The following MORC2 variants were observed in gnomAD, a reference collection of about 807,000 sequenced individuals.
MORC2 encodes the protein MORC family CW-type zinc finger 2, also known as ATPase MORC2.
Under a neutral mutation model 136.0 loss-of-function variants are expected in MORC2, and 30 were observed. The ratio of observed to expected loss-of-function variants is 0.22; its 90% CI spans 0.17 to 0.30. MORC2 has a LOEUF of 0.30. Ranked by LOEUF, MORC2 falls within the 10% of genes least tolerant of loss-of-function variation. The pLI, the probability that MORC2 is intolerant of heterozygous loss-of-function variation, is 1.00. For missense variants in MORC2, 922 were observed against 1,333.1 expected (o/e 0.69, Z 4.80); for synonymous variants, 439 against 487.0 (o/e 0.90, Z 1.30).
chr22:30,949,649 A>T, intron 5 of MORC2, 103 bp downstream of exon 5: 1 of 955,838 alleles, frequency 1.0e-6, no homozygotes, highest in Non-Finnish European at 1.6e-6. Flanking sequence ...CCAGAATTAT[A>T]GTCAATAGAG....
intron 3 of MORC2, among the ~76,000 whole-genome samples, chr22:30,953,528 T>C (rs2040922546): frequency 1.3e-5 from 2 of 152,106 alleles, no homozygotes; most frequent in South Asian, 4.1e-4. Context: ...AAGTCAAAGG[T>C]GATAAAATAA....
In MORC2 at chr22:30,926,858, T is replaced by C; in HGVS notation, c.3044A>G (p.Asn1015Ser). Reference sequence around the variant, plus strand: ...GTAGGCGTCCAGCTCATCATCTGTGTTGATGTCTATGTCCTGGAATAGAGC... The same window carrying C: ...GTAGGCGTCCAGCTCATCATCTGTGCTGATGTCTATGTCCTGGAATAGAGC... The part of the protein sequence containing the change: ...LQKVQEDIDI[N>S]TDDELDAYIE... The change falls in exon 26 of 26, where the codon AAC (asparagine) becomes AGC (serine). Residue 1015 changes from asparagine (N) to serine (S), a missense_variant. Asn to Ser is a conservative substitution (Grantham distance 46). Transcript: ENST00000397641. 1 of 1,613,566 alleles carries C rather than the reference T, an allele frequency of 6.2e-7. No homozygotes were observed. The highest frequency in any genetic ancestry group is 8.5e-7 in the Non-Finnish European group (1 of 1,179,732).
chr22:30,943,553 G>A (rs972465766), intron 6 of MORC2, among the ~76,000 whole-genome samples: 4 of 152,304 alleles, frequency 2.6e-5, no homozygotes, highest in African/African-American at 4.8e-5. Flanking sequence ...CTCCTCCCTC[G>A]GTGGTTATGA....
intron 6 of MORC2, among the ~76,000 whole-genome samples, chr22:30,944,842 C>A (rs368334989): frequency 5.3e-5 from 8 of 152,206 alleles, no homozygotes; most frequent in Non-Finnish European, 7.4e-5. Context: ...GGGCGAGTAC[C>A]GCCAAGCTAC....
chr22:30,945,498 C>A (rs913736069), intron 6 of MORC2, among the ~76,000 whole-genome samples: 1 of 152,136 alleles, frequency 6.6e-6, no homozygotes, highest in African/African-American at 2.4e-5. Flanking sequence ...AACCTCTTAG[C>A]CCCCCTTCTT....
chr22:30,964,456 A>G (rs2041094895), intron 1 of MORC2, among the ~76,000 whole-genome samples: 1 of 152,248 alleles, frequency 6.6e-6, no homozygotes, highest in African/African-American at 2.4e-5. Context: ...CAGACATCTT[A>G]TATCTAAGCA....
intron 2 of MORC2, 108 bp downstream of exon 2, chr22:30,958,533 C>A: frequency 1.3e-6 from 1 of 765,908 alleles, no homozygotes; most frequent in Non-Finnish European, 2.0e-6. Flanking sequence ...TACAGAATGT[C>A]TACATTCTAC....
chr22:30,928,687 T>C (rs908275566), intron 24 of MORC2, among the ~76,000 whole-genome samples: 2 of 152,196 alleles, frequency 1.3e-5, no homozygotes, highest in Non-Finnish European at 2.9e-5. Context: ...TATATACTTC[T>C]ACAGCATCAG....
chr22:30,927,244 TGACCCCTCCA>T (rs2040499772), intron 25 of MORC2, among the ~76,000 whole-genome samples: 1 of 152,018 alleles, frequency 6.6e-6, no homozygotes, highest in African/African-American at 2.4e-5. Flanking sequence ...GTTCTAACTT[TGACCCCTCCA>T]GGCCTCCTCC....
At position 30,945,273 on chromosome 22, in the gene MORC2, A is replaced by G. The variant is rs552789317; in HGVS notation, c.426+1068T>C. 7.9e-5 allele frequency among the ~76,000 whole-genome samples: 12 copies of G among 152,308 alleles called. No homozygotes were observed. The South Asian group carries it at 2.5e-3, about 32-fold the overall frequency. On this transcript the variant is annotated intron_variant, in intron 6 of 25. Coordinates refer to ENST00000397641, the MANE Select transcript of MORC2 (RefSeq NM_001303256.3). ...TCACTCAAGTATGCAGAATGAACTC[A>G]CATACCACACCAAAAAGGCAGACAA... is the stretch of plus-strand genomic sequence containing the variant.
intron 25 of MORC2, 113 bp from the exon 26 acceptor site, chr22:30,926,984 C>T (rs2040494329): frequency 1.3e-6 from 1 of 758,516 alleles, no homozygotes. Flanking sequence ...TCCCTGACCT[C>T]CCACCCCGCC....
chr22:30,936,396 C>A, intron 17 of MORC2, 115 bp downstream of exon 17: 1 of 1,430,804 alleles, frequency 7.0e-7, no homozygotes, highest in Non-Finnish European at 9.4e-7. Flanking sequence ...GCAAACAACG[C>A]GGGTGAGTGG....
intron 1 of MORC2, among the ~76,000 whole-genome samples, chr22:30,962,979 CT>C (rs559272102): frequency 6.8e-4 from 99 of 145,780 alleles, no homozygotes; most frequent in Admixed American, 6.8e-4. Flanking sequence ...AAAAGAAATT[CT>C]TTTTTTTTTT....
At chr22:30,959,327 G>A (rs1255925499) in intron 1 of MORC2, among the ~76,000 whole-genome samples, 1 of 152,174 alleles carries the variant, frequency 6.6e-6, no homozygotes, top group Non-Finnish European at 1.5e-5. Context: ...ATCCTAGAAG[G>A]AATTGTTGGA....
At chr22:30,967,699 C>A in intron 1 of MORC2, 123 bp downstream of exon 1, 1 of 1,491,214 alleles carries the variant, frequency 6.7e-7, no homozygotes. Context: ...TCCAGTGACA[C>A]ATTTCACTCC....
At chr22:30,955,625 T>C (rs550821461) in intron 3 of MORC2, among the ~76,000 whole-genome samples, 13 of 152,186 alleles carry the variant, frequency 8.5e-5, no homozygotes, top group Non-Finnish European at 1.9e-4. Flanking sequence ...ACCTAGTTCA[T>C]GCTACTCAAA....
intron 5 of MORC2, among the ~76,000 whole-genome samples, chr22:30,948,471 C>T (rs1208559704): frequency 6.6e-6 from 1 of 152,194 alleles, no homozygotes; most frequent in Non-Finnish European, 1.5e-5. Context: ...ATGGAAACAT[C>T]AAAGGAGGAG....
At chr22:30,951,940 C>T (rs1807686) in intron 3 of MORC2, among the ~76,000 whole-genome samples, 58,541 of 151,602 alleles carry the variant, frequency 0.39, 12,174 homozygotes, top group East Asian at 0.67. Flanking sequence ...AGAGTAGCTT[C>T]TGTAAGGCTA....
intron 12 of MORC2, among the ~76,000 whole-genome samples, chr22:30,939,177 T>C (rs188264332): frequency 6.6e-6 from 1 of 152,290 alleles, no homozygotes; most frequent in Admixed American, 6.5e-5. Flanking sequence ...ATCTCCAGCA[T>C]TATTCTACAT....
Sources: gnomAD v4.1 joint callset for allele counts (sites outside exome capture counted in the v4.1 genomes callset) on GRCh38, gnomAD v4.1.1 for gene constraint, MANE v1.5 for transcripts, NCBI Gene and HGNC (gene_info 2026-07-23, HGNC 2026-07-21) for gene names.